ACAT1: variants seen among roughly 807,000 people sequenced by gnomAD.
ACAT1 encodes acetyl-CoA acetyltransferase 1, also known as acetyl-CoA acetyltransferase, mitochondrial.
Under a neutral mutation model 47.3 loss-of-function variants are expected in ACAT1, and 28 were observed. That is an observed-to-expected ratio of 0.59 (90% CI 0.44 to 0.81). The LOEUF (loss-of-function observed/expected upper bound fraction) is 0.81, where lower values mean the gene tolerates loss of function less well. Ranked by LOEUF, ACAT1 falls within the 30% of genes least tolerant of loss-of-function variation. The pLI is 0.00. For missense variants in ACAT1, 469 were observed against 524.3 expected (o/e 0.89, Z 1.03); for synonymous variants, 181 against 173.6 (o/e 1.04, Z -0.34).
rs536301499 is a variant in ACAT1, at chr11:108,135,185, T to C, written c.378T>C (p.Cys126=). The stretch of plus-strand genomic sequence containing the variant: ...CATGTACCACCATAAACAAAGTTTG[T>C]GCTTCAGGAATGAAAGCCATCATGA... ...STPCTTINKV[C]ASGMKAIMMA... is the part of the protein sequence containing the mutation. The change falls in exon 5 of 12, where the codon TGT becomes TGC. Residue 126 remains cysteine, a synonymous_variant. Transcript: ENST00000265838. 1.2e-5 allele frequency: 20 copies of C among 1,613,888 alleles called. No individual in the cohort carries two copies. Among genetic ancestry groups the C allele is most frequent in the Admixed American group, 3.3e-5 (2 of 60,002 alleles).
rs182776934 is a variant in ACAT1, at chr11:108,124,081, T to C, written c.72+2403T>C. On this transcript the variant is annotated intron_variant, in intron 1 of 11. Transcript: ENST00000265838. ...GCCACTGGAAGGCACCAGTGGAAGA[T>C]TGGAAGATAGGAGGAAGGGAGAAGC... 7.3e-4 allele frequency among the ~76,000 whole-genome samples: 111 copies of C among 152,276 alleles called. 1 individual carries two copies. In the Middle Eastern group the frequency reaches 0.01, roughly 14 times the overall value.
intron 5 of ACAT1, chr11:108,138,588 G>A (rs2077517047): frequency 2.8e-6 from 1 of 358,306 alleles, no homozygotes; most frequent in Admixed American, 4.0e-5. Context: ...GTAGAGACGG[G>A]GTTTCACCAT....
chr11:108,146,502 G>T, intron 11 of ACAT1, 143 bp downstream of exon 11: 1 of 821,804 alleles, frequency 1.2e-6, no homozygotes, highest in Non-Finnish European at 2.0e-6. Context: ...TCTGATAGAT[G>T]GTATCCAATA....
intron 7 of ACAT1, 36 bp downstream of exon 7, chr11:108,140,251 T>C (rs201527770): frequency 1.2e-5 from 20 of 1,612,072 alleles, no homozygotes; most frequent in Admixed American, 6.7e-5. Flanking sequence ...GAATAGACTT[T>C]TCATGTTGCT....
At chr11:108,124,230 G>A (rs1381433636) in intron 1 of ACAT1, among the ~76,000 whole-genome samples, 2 of 152,122 alleles carry the variant, frequency 1.3e-5, no homozygotes, top group African/African-American at 4.8e-5. Context: ...CTAACAGCCT[G>A]TATGCTACTT....
At chr11:108,116,837 C>T (rs1186707056), upstream of ACAT1, among the ~76,000 whole-genome samples, 2 of 152,178 alleles carry the variant, frequency 1.3e-5, no homozygotes, top group Non-Finnish European at 2.9e-5. Context: ...ACAGACTCTC[C>T]GTTAGAACCC....
intron 1 of ACAT1, among the ~76,000 whole-genome samples, chr11:108,125,804 T>C (rs1224728494): frequency 1.3e-5 from 2 of 151,626 alleles, no homozygotes; most frequent in African/African-American, 2.4e-5. Flanking sequence ...CGGGCGCTTG[T>C]AGTCCCAGCT....
At chr11:108,132,609 C>G (rs993506174) in intron 2 of ACAT1, among the ~76,000 whole-genome samples, 4 of 151,846 alleles carry the variant, frequency 2.6e-5, no homozygotes, top group Non-Finnish European at 5.9e-5. Context: ...AATCCCAGCA[C>G]TTTGGGAGGC....
rs1291175253 is a variant in ACAT1, at chr11:108,138,470, C to G, written c.436-428C>G. Among the ~76,000 whole-genome samples, 3 of 151,794 alleles carry G rather than the reference C, an allele frequency of 2.0e-5. No individual in the cohort carries two copies. In the East Asian group the frequency reaches 5.8e-4, roughly 30 times the overall value. The stretch of plus-strand genomic sequence containing the variant: ...GGAGTGCAGTGGCACAATCTCAGCT[C>G]ACAGCAACCTCTGCCTCCCAGGTTC... On this transcript the variant is annotated intron_variant, in intron 5 of 11. Transcript: ENST00000265838.
In ACAT1 at chr11:108,146,379, A is replaced by T; in HGVS notation, c.1163+20A>T. ...AATTGGGTAGGTAAAAATAATAACT[A>T]TATCTAGGTTAAGAGCTGCCTTTGT... On this transcript the variant is annotated intron_variant, in intron 11 of 11. Transcript: ENST00000265838. 1 of 1,612,238 alleles carries T rather than the reference A, an allele frequency of 6.2e-7. No individual in the cohort carries two copies. The highest frequency in any genetic ancestry group is 1.1e-5 in the South Asian group (1 of 91,006).
upstream of ACAT1, chr11:108,121,192 C>A (rs2135281801): frequency 6.0e-5 from 15 of 251,494 alleles, 1 homozygote; most frequent in South Asian, 4.6e-4. Context: ...CAGAGTGAGA[C>A]CTTGTCTCAA....
Position 108,144,026 on chromosome 11 carries a change from T to A in ACAT1, c.984T>A (p.Ala328=), listed in dbSNP as rs745826234. 12 of 1,361,058 alleles carry A rather than the reference T, an allele frequency of 8.8e-6. No individual in the cohort carries two copies. Among genetic ancestry groups the A allele is most frequent in the Non-Finnish European group, 1.2e-5 (12 of 1,023,342 alleles). The allele number at this position is 1,361,058 out of a possible 1,614,324, so 84.3% of individuals were successfully genotyped here. A position where few individuals can be genotyped will look rare whatever the true frequency, so the allele number is the denominator to read the frequency against. ...AAVEPIDFPI[A]PVYAASMVLK... The stretch of plus-strand genomic sequence containing the variant: ...TAGAACCTATTGATTTTCCAATTGC[T>A]CCTGTATATGCTGCATCTATGGTGA... Residue 328 remains alanine (A), a synonymous_variant, in exon 10 of 12, where the codon GCT becomes GCA. Transcript: ENST00000265838.
chr11:108,147,439 C>T lies in ACAT1; in HGVS notation c.*49C>T. ...CAACCCTATGTGACCAGAAGGCCTG[C>T]TGTAATCAGTGTGACTACTGTGGGT... On this transcript the variant is annotated 3_prime_UTR_variant, in exon 12 of 12. Coordinates refer to ENST00000265838, the MANE Select transcript of ACAT1 (RefSeq NM_000019.4). 1 of 1,590,770 alleles carries T rather than the reference C, an allele frequency of 6.3e-7. No individual in the cohort carries two copies. The highest frequency in any genetic ancestry group is 8.6e-7 in the Non-Finnish European group (1 of 1,163,276).
chr11:108,144,233 AAAG>A (rs2077653915), intron 10 of ACAT1, 186 bp downstream of exon 10: 2 of 645,188 alleles, frequency 3.1e-6, no homozygotes, highest in East Asian at 2.7e-5. Context: ...AAAAAAAAAT[AAAG>A]AACAGCTCAC....
upstream of ACAT1, chr11:108,121,265 A>C: frequency 2.3e-6 from 1 of 441,540 alleles, no homozygotes; most frequent in South Asian, 2.2e-5. Context: ...TAAGGGAAAC[A>C]TGCTCAGTAA....
intron 10 of ACAT1, among the ~76,000 whole-genome samples, chr11:108,145,957 G>A (rs1256581767): frequency 6.6e-6 from 1 of 151,942 alleles, no homozygotes; most frequent in Non-Finnish European, 1.5e-5. Flanking sequence ...TGAGACAGGA[G>A]AACTGCTTGA....
chr11:108,140,402 A>G (rs2077562016), intron 7 of ACAT1, among the ~76,000 whole-genome samples, 187 bp downstream of exon 7: 2 of 152,266 alleles, frequency 1.3e-5, no homozygotes, highest in Non-Finnish European at 2.9e-5. Flanking sequence ...ATCCATTTAT[A>G]AGATCCCTGA....
At chr11:108,136,281 T>A (rs2077467626) in intron 5 of ACAT1, 2 of 410,044 alleles carry the variant, frequency 4.9e-6, no homozygotes, top group Admixed American at 4.3e-5. Flanking sequence ...ACAAAACATT[T>A]AAAAAAATCT....
chr11:108,134,615 G>A (rs2077427529), intron 4 of ACAT1, among the ~76,000 whole-genome samples: 1 of 144,288 alleles, frequency 6.9e-6, no homozygotes, highest in Admixed American at 7.1e-5. Context: ...TCCAACCTGG[G>A]CGACAGAGTG....
Sources: allele counts gnomAD v4.1 joint callset (sites outside exome capture counted in the v4.1 genomes callset), GRCh38; gene constraint gnomAD v4.1.1; transcripts MANE v1.5; gene names NCBI Gene and HGNC (gene_info 2026-07-23, HGNC 2026-07-21).